The following GPC5 variants were observed in gnomAD, a reference collection of about 807,000 sequenced individuals.
The protein encoded by GPC5 is glypican-5.
A neutral mutation model predicts 53.9 loss-of-function variants in GPC5; 47 were observed. The observed-to-expected ratio is 0.87, with a 90% confidence interval of 0.69 to 1.11. The LOEUF is 1.11. Among genes scored for constraint, GPC5 ranks in the 50% most tolerant of loss-of-function variants. GPC5 has a pLI of 0.00. For synonymous variants in GPC5, 286 were observed against 263.3 expected (o/e 1.09, Z -0.84); for missense variants, 748 against 713.1 (o/e 1.05, Z -0.56).
At chr13:92,004,458 T>TTTTA (rs1491510192) in intron 6 of GPC5, among the ~76,000 whole-genome samples, 9 of 82,528 alleles carry the variant, frequency 1.1e-4, no homozygotes, top group African/African-American at 5.2e-4. Context: ...AAAAAAAAAA[T>TTTTA]TATATATATA....
chr13:92,777,022 CAA>C (rs1243297680), intron 7 of GPC5, among the ~76,000 whole-genome samples: 3,630 of 26,290 alleles, frequency 0.14, 62 homozygotes, highest in East Asian at 0.35. Flanking sequence ...GACCCTGCCT[CAA>C]AAAAAAAAAA....
intron 6 of GPC5, among the ~76,000 whole-genome samples, chr13:91,924,426 G>C (rs2039746859): frequency 1.3e-5 from 2 of 152,030 alleles, no homozygotes; most frequent in Admixed American, 1.3e-4. Context: ...TCTTGAAAAA[G>C]TATCATTATC....
intron 7 of GPC5, among the ~76,000 whole-genome samples, chr13:92,854,806 A>G (rs1878940714): frequency 6.6e-6 from 1 of 151,990 alleles, no homozygotes; most frequent in Admixed American, 6.6e-5. Context: ...TGCCAAATAA[A>G]TAGTTTGCAA....
intron 7 of GPC5, among the ~76,000 whole-genome samples, chr13:92,314,531 C>T (rs1741173402): frequency 6.6e-6 from 1 of 152,288 alleles, no homozygotes; most frequent in Middle Eastern, 3.4e-3. Context: ...ATTAATTAAA[C>T]ACAGTTGTTT....
In GPC5 at chr13:92,866,944, GA is replaced by G. The variant is rs1326290891; in HGVS notation, c.*507del. On this transcript the variant is annotated 3_prime_UTR_variant, in exon 8 of 8. Coordinates refer to ENST00000377067, the MANE Select transcript of GPC5 (RefSeq NM_004466.6). ...GACTCTTCCATTTTTGCAAGCTGTA[GA>G]AGGAAATGTCTGAATGTCTATAAGT... 1 of 152,146 alleles carries G rather than the reference GA, an allele frequency of 6.6e-6. No homozygotes were observed. The highest frequency in any genetic ancestry group is 1.5e-5 in the Non-Finnish European group (1 of 68,032). 9.4% of individuals were successfully genotyped at this position (152,146 alleles called of 1,614,324 possible).
At chr13:92,081,536 T>C (rs1426277730) in intron 6 of GPC5, among the ~76,000 whole-genome samples, 8 of 152,184 alleles carry the variant, frequency 5.3e-5, no homozygotes, top group African/African-American at 1.2e-4. Flanking sequence ...AATACGTGAA[T>C]TTGATTGTAC....
intron 7 of GPC5, among the ~76,000 whole-genome samples, chr13:92,468,733 C>T (rs1171046630): frequency 6.6e-6 from 1 of 152,158 alleles, no homozygotes; most frequent in Non-Finnish European, 1.5e-5. Flanking sequence ...GGAAAGAACA[C>T]AGCAGAACTG....
At chr13:91,974,368 A>C (rs7319626) in intron 6 of GPC5, among the ~76,000 whole-genome samples, 91,521 of 151,838 alleles carry the variant, frequency 0.6, 28,193 homozygotes, top group East Asian at 0.75. Context: ...ATCTAGAAAA[A>C]CCCATTGTCT....
At chr13:91,655,213 T>G (rs968793877) in intron 2 of GPC5, among the ~76,000 whole-genome samples, 4 of 152,112 alleles carry the variant, frequency 2.6e-5, no homozygotes, top group African/African-American at 9.7e-5. Flanking sequence ...AACTTAAAAA[T>G]AGTTTGCAGA....
chr13:92,340,192 A>G (rs923632184), intron 7 of GPC5, among the ~76,000 whole-genome samples: 3 of 152,276 alleles, frequency 2.0e-5, no homozygotes, highest in Non-Finnish European at 4.4e-5. Context: ...TCCATAGTAA[A>G]GTTGTATGAA....
Position 92,166,944 on chromosome 13 carries a change from TCTCTCTCTCTCTCACACACA to T in GPC5, c.1561+21957_1561+21976del, listed in dbSNP as rs1344152252. 1.3e-3 allele frequency among the ~76,000 whole-genome samples: 166 copies of T among 130,676 alleles called. 1 individual carries two copies. Among genetic ancestry groups the T allele is most frequent in the Non-Finnish European group, 1.7e-3 (109 of 62,784 alleles). 85.7% of individuals were successfully genotyped at this position (130,676 alleles called of 152,430 possible). A position where few individuals can be genotyped will look rare whatever the true frequency, so the allele number is the denominator to read the frequency against. ...CAGTCTCTCTCTCTCTCTCTCTCTC[TCTCTCTCTCTCTCACACACA>T]CACACACACACACACACACACACAC... On this transcript the variant is annotated intron_variant, in intron 7 of 7. Transcript: ENST00000377067.
chr13:91,861,168 A>G (rs972475341), intron 5 of GPC5, among the ~76,000 whole-genome samples: 1 of 152,186 alleles, frequency 6.6e-6, no homozygotes, highest in Admixed American at 6.5e-5. Context: ...TCAATACACA[A>G]GAAAACAATG....
At chr13:92,654,525 A>G (rs954897924) in intron 7 of GPC5, among the ~76,000 whole-genome samples, 1 of 152,086 alleles carries the variant, frequency 6.6e-6, no homozygotes, top group African/African-American at 2.4e-5. Flanking sequence ...ATTAAATTAC[A>G]CTTGACCATT....
chr13:92,325,260 G>A (rs16947396), intron 7 of GPC5, among the ~76,000 whole-genome samples: 4,260 of 151,932 alleles, frequency 0.028, 113 homozygotes, highest in African/African-American at 0.074. Flanking sequence ...AAGTTACTAC[G>A]GATCAGAGGA....
At chr13:91,711,550 A>C (rs1299407819) in intron 3 of GPC5, among the ~76,000 whole-genome samples, 3 of 152,178 alleles carry the variant, frequency 2.0e-5, no homozygotes, top group Non-Finnish European at 4.4e-5. Context: ...ACATGTATAC[A>C]TATGTATCAA....
chr13:92,343,784 A>T (rs1423508571), intron 7 of GPC5, among the ~76,000 whole-genome samples: 1 of 152,120 alleles, frequency 6.6e-6, no homozygotes, highest in Non-Finnish European at 1.5e-5. Context: ...AATAAAATAT[A>T]GTGGGATTTT....
chr13:92,580,998 T>A (rs1444654596), intron 7 of GPC5, among the ~76,000 whole-genome samples: 1 of 152,212 alleles, frequency 6.6e-6, no homozygotes, highest in Non-Finnish European at 1.5e-5. Flanking sequence ...GTTTTTGATA[T>A]ATGAATACAT....
intron 2 of GPC5, among the ~76,000 whole-genome samples, chr13:91,513,483 G>A (rs1481993360): frequency 6.6e-6 from 1 of 152,134 alleles, no homozygotes; most frequent in African/African-American, 2.4e-5. Flanking sequence ...GCTCATGCCT[G>A]TAATCCCAGC....
At chr13:92,470,460 C>T (rs554678823) in intron 7 of GPC5, among the ~76,000 whole-genome samples, 2 of 152,078 alleles carry the variant, frequency 1.3e-5, no homozygotes, top group East Asian at 3.9e-4. Context: ...ATTATATTTT[C>T]TATGTATTTT....
Sources: gnomAD v4.1 joint callset for allele counts (sites outside exome capture counted in the v4.1 genomes callset) on GRCh38, gnomAD v4.1.1 for gene constraint, MANE v1.5 for transcripts, NCBI Gene and HGNC (gene_info 2026-07-23, HGNC 2026-07-21) for gene names.